The following IRAG1 variants were observed in gnomAD, a reference collection of about 807,000 sequenced individuals.
IRAG1 encodes IP3R-associated cGMP kinase substrate.
In IRAG1, 62 loss-of-function variants were observed where a neutral mutation model predicts 106.2. The observed-to-expected ratio is 0.58, with a 90% CI of 0.48 to 0.72. The LOEUF is 0.72. Among genes scored for constraint, IRAG1 ranks in the 30% least tolerant of loss-of-function variants. IRAG1 has a pLI of 0.00. For missense variants in IRAG1, 1,064 were observed against 1,140.7 expected (o/e 0.93, Z 0.97); for synonymous variants, 462 against 443.9 (o/e 1.04, Z -0.51).
In IRAG1 at chr11:10,628,018, A is replaced by G; in HGVS notation, c.660T>C (p.Asp220=). ...GAGGGGATGGCGGGCCACTGCACAC[A>G]TCCAAACCTGGAAGGGTCCAGACAC... ...SLTVPTPPGL[D]VCSGPPSPLP... is the part of the protein sequence containing the mutation. Residue 220 remains aspartate, a synonymous_variant, in exon 7 of 21, where the codon GAT becomes GAC. Transcript: ENST00000423302. The surrounding 1 kb of genome is among the most constrained non-coding windows in gnomAD (Gnocchi z 4.1). The G allele has an allele frequency of 6.2e-7, 1 of 1,613,642 alleles. No individual in the cohort carries two copies. Among genetic ancestry groups the G allele is most frequent in the South Asian group, 1.1e-5 (1 of 91,038 alleles).
intron 1 of IRAG1, among the ~76,000 whole-genome samples, chr11:10,673,512 G>A (rs1259791725): frequency 6.6e-6 from 1 of 152,098 alleles, no homozygotes; most frequent in Non-Finnish European, 1.5e-5. Context: ...GAAATGGGAC[G>A]TGGCTGTTAA....
At chr11:10,578,252 G>T (rs1009847381) in intron 20 of IRAG1, among the ~76,000 whole-genome samples, 1 of 152,192 alleles carries the variant, frequency 6.6e-6, no homozygotes, top group Non-Finnish European at 1.5e-5. Context: ...AAAAGTAAAG[G>T]AACCTAAATG....
intron 1 of IRAG1, among the ~76,000 whole-genome samples, chr11:10,663,315 C>T (rs1353350745): frequency 4.6e-5 from 7 of 152,118 alleles, no homozygotes; most frequent in Non-Finnish European, 8.8e-5. Context: ...CATCATCTCC[C>T]CTTCCCTTCC....
chr11:10,678,894 G>C (rs1860917210), intron 1 of IRAG1, among the ~76,000 whole-genome samples: 1 of 152,138 alleles, frequency 6.6e-6, no homozygotes, highest in African/African-American at 2.4e-5. Context: ...ATGCTGCTAT[G>C]AGTCTAAATC....
At chr11:10,630,361 T>C (rs76594533) in intron 4 of IRAG1, among the ~76,000 whole-genome samples, 4,061 of 143,242 alleles carry the variant, frequency 0.028, 76 homozygotes, top group South Asian at 0.058. Flanking sequence ...TTCTTGCTCA[T>C]TAGCTCTTTT....
chr11:10,604,597 A>G, intron 12 of IRAG1, 52 bp from the exon 13 acceptor site: 1 of 1,606,152 alleles, frequency 6.2e-7, no homozygotes, highest in South Asian at 1.1e-5. Flanking sequence ...ACTGCAGAGG[A>G]CAAGGCTGCA....
chr11:10,631,539 T>G (rs745562107), intron 4 of IRAG1, among the ~76,000 whole-genome samples: 3 of 152,182 alleles, frequency 2.0e-5, no homozygotes, highest in Non-Finnish European at 2.9e-5. Flanking sequence ...CTTCATAGTC[T>G]ATGAGCAGCA....
chr11:10,651,283 G>T (rs924514397), intron 2 of IRAG1, among the ~76,000 whole-genome samples: 37 of 152,254 alleles, frequency 2.4e-4, no homozygotes, highest in African/African-American at 8.4e-4. Flanking sequence ...GGGACTGAAA[G>T]AGATCCTTGG....
chr11:10,633,133 G>A (rs922213659), intron 3 of IRAG1, among the ~76,000 whole-genome samples: 2 of 145,882 alleles, frequency 1.4e-5, no homozygotes, highest in Non-Finnish European at 3.0e-5. Context: ...GGAGTGCAGT[G>A]GCGCGATCTG....
chr11:10,593,262 C>T lies in IRAG1; in HGVS notation c.2175+230G>A, dbSNP rs535451692. 107 of 367,044 alleles carry T rather than the reference C, an allele frequency of 2.9e-4. 2 individuals carry two copies. In the South Asian group the frequency reaches 3.6e-3, roughly 12 times the overall value. The allele number at this position is 367,044 out of a possible 1,614,324, so 22.7% of individuals were successfully genotyped here. A position where few individuals can be genotyped will look rare whatever the true frequency, so the allele number is the denominator to read the frequency against. On this transcript the variant is annotated intron_variant, in intron 17 of 20. Coordinates refer to ENST00000423302, the MANE Select transcript of IRAG1 (RefSeq NM_130385.4). ...AAAAAGAGTTATCATTTGCAAAGAA[C>T]GCTGAGCTGCCAACACCATGCTGAG... is the stretch of plus-strand genomic sequence containing the variant.
intron 20 of IRAG1, among the ~76,000 whole-genome samples, chr11:10,577,164 C>T (rs1479258269): frequency 2.6e-5 from 4 of 152,164 alleles, no homozygotes; most frequent in Admixed American, 1.3e-4. Flanking sequence ...TCACTTCAAA[C>T]CATCCAAGAG....
intron 10 of IRAG1, among the ~76,000 whole-genome samples, chr11:10,616,538 C>G (rs1282009397): frequency 6.6e-6 from 1 of 151,840 alleles, no homozygotes; most frequent in African/African-American, 2.4e-5. Context: ...AAACAAAAAA[C>G]AAAAAACAAA....
chr11:10,685,943 A>G (rs1287609764), intron 1 of IRAG1, among the ~76,000 whole-genome samples: 1 of 152,092 alleles, frequency 6.6e-6, no homozygotes, highest in Non-Finnish European at 1.5e-5. Flanking sequence ...CCTTATCATC[A>G]TTGCCTTCCA....
chr11:10,686,456 C>T (rs1861662218), intron 1 of IRAG1, among the ~76,000 whole-genome samples: 2 of 152,134 alleles, frequency 1.3e-5, no homozygotes, highest in South Asian at 4.1e-4. Flanking sequence ...GGAACTTGTT[C>T]ATAAACAAGA....
intron 1 of IRAG1, among the ~76,000 whole-genome samples, chr11:10,691,374 C>T (rs1862046436): frequency 6.6e-6 from 1 of 152,168 alleles, no homozygotes; most frequent in Admixed American, 6.5e-5. Flanking sequence ...GTGCTTCTGT[C>T]CACCTCTGTT....
intron 18 of IRAG1, among the ~76,000 whole-genome samples, chr11:10,586,708 G>T (rs995362429): frequency 6.6e-6 from 1 of 152,092 alleles, no homozygotes; most frequent in Non-Finnish European, 1.5e-5. Context: ...ATGAGCCACC[G>T]CACCTGGCCC....
chr11:10,649,002 C>T (rs546539314), intron 2 of IRAG1, among the ~76,000 whole-genome samples: 1 of 152,306 alleles, frequency 6.6e-6, no homozygotes, highest in South Asian at 2.1e-4. Context: ...TGTTCTTTGC[C>T]TGCTTCACAG....
At chr11:10,693,171 CT>C (rs1174323427) in intron 1 of IRAG1, among the ~76,000 whole-genome samples, 2 of 152,134 alleles carry the variant, frequency 1.3e-5, no homozygotes, top group Non-Finnish European at 2.9e-5. Flanking sequence ...GGAGAAAGCT[CT>C]GCTTAGCAGA....
intron 12 of IRAG1, among the ~76,000 whole-genome samples, chr11:10,605,063 C>T (rs1194990146): frequency 6.6e-6 from 1 of 152,232 alleles, no homozygotes; most frequent in Admixed American, 6.5e-5. Flanking sequence ...CTTTAAGTAG[C>T]TGCCAGGAGA....
Sources: allele counts gnomAD v4.1 joint callset (sites outside exome capture counted in the v4.1 genomes callset), GRCh38; gene constraint gnomAD v4.1.1; non-coding constraint Gnocchi (gnomAD v3.1); transcripts MANE v1.5; gene names NCBI Gene and HGNC (gene_info 2026-07-23, HGNC 2026-07-21).